GTF2IRD1: variants seen among roughly 807,000 people sequenced by gnomAD.
GTF2IRD1 encodes GTF2I repeat domain containing 1.
In GTF2IRD1, 26 loss-of-function variants were observed where a neutral mutation model predicts 113.2. The observed-to-expected ratio is 0.23, with a 90% CI of 0.17 to 0.32. GTF2IRD1 has a LOEUF of 0.32. Ranked by LOEUF, GTF2IRD1 falls within the 10% of genes least tolerant of loss-of-function variation. The pLI is 1.00. For missense variants in GTF2IRD1, 864 were observed against 1,280.8 expected (o/e 0.67, Z 4.97); for synonymous variants, 484 against 529.1 (o/e 0.91, Z 1.17).
Position 74,512,578 on chromosome 7 carries a change from G to A in GTF2IRD1, c.124-252G>A, listed in dbSNP as rs940404567. On this transcript the variant is annotated intron_variant, in intron 2 of 26. Transcript: ENST00000424337. This position sits in a 1 kb window ranked among gnomAD's most constrained non-coding sequence, Gnocchi z 4.4. ...TGGGGCTAAGGGGGGCCTACCCCAA[G>A]GAGGAGGACCTTGGAGGGAGGAGCA... is the stretch of plus-strand genomic sequence containing the variant. 2.0e-5 allele frequency among the ~76,000 whole-genome samples: 3 copies of A among 152,150 alleles called. No homozygotes were observed. Among genetic ancestry groups the A allele is most frequent in the Non-Finnish European group, 4.4e-5 (3 of 68,024 alleles).
chr7:74,536,813 A>T (rs1798324186), intron 11 of GTF2IRD1, among the ~76,000 whole-genome samples: 1 of 147,632 alleles, frequency 6.8e-6, no homozygotes, highest in African/African-American at 2.5e-5. Flanking sequence ...CTCAAAATAA[A>T]TACATGCCCA....
At chr7:74,570,089 G>A (rs1249869474) in intron 22 of GTF2IRD1, among the ~76,000 whole-genome samples, 3 of 152,104 alleles carry the variant, frequency 2.0e-5, no homozygotes, top group Non-Finnish European at 4.4e-5. Context: ...AGGGCCGGGC[G>A]CGGTGGCTCA....
chr7:74,590,947 G>A lies in GTF2IRD1; in HGVS notation c.2521G>A (p.Asp841Asn), dbSNP rs782620258. 6.8e-6 allele frequency: 11 copies of A among 1,613,484 alleles called. No individual in the cohort carries two copies. Among genetic ancestry groups the A allele is most frequent in the Admixed American group, 3.3e-5 (2 of 59,948 alleles). The change falls in exon 24 of 27, where the codon GAC (aspartate) becomes AAC (asparagine). Residue 841 changes from aspartate to asparagine, a missense_variant. Around this residue, in one of 7 missense-constraint regions of GTF2IRD1, gnomAD observed 195 missense variants for 359.1 expected, o/e 0.54. Transcript: ENST00000424337. Reference sequence around the variant, plus strand: ...CCCCTTCCGGAACCCCAACACGTACGACATCCACCGGCTGGAGAAGATCCT... The same window carrying A: ...CCCCTTCCGGAACCCCAACACGTACAACATCCACCGGCTGGAGAAGATCCT... ...DIPFRNPNTY[D>N]IHRLEKILKA...
intron 1 of GTF2IRD1, among the ~76,000 whole-genome samples, chr7:74,497,197 A>C (rs782526508): frequency 1.3e-5 from 2 of 152,174 alleles, no homozygotes; most frequent in South Asian, 4.1e-4. Context: ...CAGAACTACT[A>C]TACAATTCAA....
chr7:74,527,558 G>A (rs1437371634), intron 8 of GTF2IRD1, among the ~76,000 whole-genome samples: 1 of 152,160 alleles, frequency 6.6e-6, no homozygotes, highest in Non-Finnish European at 1.5e-5. Flanking sequence ...TATTTGGTGT[G>A]GGGCCGGGGA....
chr7:74,479,649 C>T (rs1554334201), intron 1 of GTF2IRD1, among the ~76,000 whole-genome samples: 1 of 152,192 alleles, frequency 6.6e-6, no homozygotes, highest in African/African-American at 2.4e-5. Flanking sequence ...GGAAGCCCCA[C>T]CCTGACTGCC....
intron 1 of GTF2IRD1, among the ~76,000 whole-genome samples, chr7:74,496,610 A>G (rs1191857309): frequency 1.7e-4 from 18 of 107,636 alleles, no homozygotes; most frequent in East Asian, 6.6e-4. Flanking sequence ...GTGTGCATGT[A>G]TGTGGGTGTG....
At chr7:74,574,947 C>A (rs587676104) in intron 22 of GTF2IRD1, among the ~76,000 whole-genome samples, 1 of 151,930 alleles carries the variant, frequency 6.6e-6, no homozygotes, top group East Asian at 1.9e-4. Context: ...AAAATTAGCC[C>A]AGCATCATGA....
chr7:74,602,264 A>G (rs1041573408), intron 26 of GTF2IRD1, 101 bp from the exon 27 acceptor site: 10 of 1,420,958 alleles, frequency 7.0e-6, no homozygotes, highest in Non-Finnish European at 9.4e-6. Context: ...AATATAAATA[A>G]ATAGCCTCTG....
At chr7:74,543,624 G>A (rs1305381217) in intron 14 of GTF2IRD1, among the ~76,000 whole-genome samples, 1 of 152,152 alleles carries the variant, frequency 6.6e-6, no homozygotes, top group Admixed American at 6.6e-5. Flanking sequence ...CATTGAGCAG[G>A]TGCAGTGGCT....
At chr7:74,534,800 G>A (rs879946768) in intron 9 of GTF2IRD1, among the ~76,000 whole-genome samples, 2 of 151,868 alleles carry the variant, frequency 1.3e-5, no homozygotes, top group Admixed American at 6.6e-5. Context: ...CTACTCAGGA[G>A]GCTGAGGCAG....
chr7:74,462,821 C>T (rs917047381), intron 1 of GTF2IRD1, among the ~76,000 whole-genome samples: 35 of 152,240 alleles, frequency 2.3e-4, no homozygotes, highest in African/African-American at 8.0e-4. Flanking sequence ...CTGTGAGCCC[C>T]GCGATGAAAT....
chr7:74,601,325 T>G (rs587607537), intron 26 of GTF2IRD1, 145 bp downstream of exon 26: 1 of 1,538,940 alleles, frequency 6.5e-7, no homozygotes, highest in South Asian at 1.2e-5. Context: ...TCGGGGGTTA[T>G]AGATGCATCC....
intron 1 of GTF2IRD1, among the ~76,000 whole-genome samples, chr7:74,454,684 G>A (rs1210438619): frequency 7.2e-5 from 11 of 152,004 alleles, no homozygotes; most frequent in Admixed American, 6.5e-4. Flanking sequence ...CCAGCAGGGT[G>A]GTTCCTGTAG....
Position 74,529,666 on chromosome 7 carries a change from A to G in GTF2IRD1, c.1091-68A>G, listed in dbSNP as rs1424198348. ...GACGGTGGGAGGTGATGGGGACCGC[A>G]GCTCCCGGGTCCTGTGTGTCCAGCA... On this transcript the variant is annotated intron_variant, in intron 8 of 26. Coordinates refer to ENST00000424337, the MANE Select transcript of GTF2IRD1 (RefSeq NM_005685.4). 8.6e-6 allele frequency: 12 copies of G among 1,403,144 alleles called. No individual in the cohort carries two copies. The African/African-American group carries it at 9.9e-5, about 12-fold the overall frequency. 86.9% of individuals were successfully genotyped at this position (1,403,144 alleles called of 1,614,324 possible).
Position 74,515,619 on chromosome 7 carries a change from T to C in GTF2IRD1, c.421+23T>C, listed in dbSNP as rs782733046. On this transcript the variant is annotated intron_variant, in intron 4 of 26. Transcript: ENST00000424337. ...ATAGTAAGATCCTTCCTCATTCCAT[T>C]TGGGGGCCCCAGGGAGGGTGGGAGC... 14 of 1,591,934 alleles carry C rather than the reference T, an allele frequency of 8.8e-6. No individual in the cohort carries two copies. The South Asian group carries it at 1.5e-4, about 17-fold the overall frequency.
At chr7:74,465,771 A>G (rs1554330675) in intron 1 of GTF2IRD1, among the ~76,000 whole-genome samples, 1 of 151,716 alleles carries the variant, frequency 6.6e-6, no homozygotes, top group Non-Finnish European at 1.5e-5. Context: ...GCATGCCTCA[A>G]TTTATTTATT....
At chr7:74,602,156 C>T (rs782211492) in intron 26 of GTF2IRD1, 8 of 415,418 alleles carry the variant, frequency 1.9e-5, no homozygotes, top group Non-Finnish European at 2.9e-5. Context: ...GCAGGAGACT[C>T]GCTTGAACCC....
chr7:74,466,131 C>T (rs1554330752), intron 1 of GTF2IRD1, among the ~76,000 whole-genome samples: 1 of 152,202 alleles, frequency 6.6e-6, no homozygotes, highest in Non-Finnish European at 1.5e-5. Context: ...ACTGGTTGGT[C>T]CCCTTGGCCT....
Sources: gnomAD v4.1 joint callset for allele counts (sites outside exome capture counted in the v4.1 genomes callset) on GRCh38, gnomAD v4.1.1 for gene constraint, gnomAD v4.1.1 regional missense constraint, Gnocchi (gnomAD v3.1) non-coding constraint, MANE v1.5 for transcripts, NCBI Gene and HGNC (gene_info 2026-07-23, HGNC 2026-07-21) for gene names.